LCORL: variants seen among roughly 807,000 people sequenced by gnomAD.
LCORL encodes ligand dependent nuclear receptor corepressor like.
LCORL carries 41 observed loss-of-function variants against 141.8 expected under a neutral mutation model. The observed-to-expected ratio is 0.29, with a 90% confidence interval of 0.23 to 0.38. LCORL has a LOEUF of 0.38. Among genes scored for constraint, LCORL ranks in the 10% least tolerant of loss-of-function variants. The pLI is 1.00. For missense variants in LCORL, 1,759 were observed against 2,035.0 expected, an observed-to-expected ratio of 0.86 and a Z score of 2.61; for synonymous variants, 618 against 694.1, an observed-to-expected ratio of 0.89 and a Z score of 1.72.
intron 1 of LCORL, among the ~76,000 whole-genome samples, chr4:18,004,576 G>C (rs538011969): frequency 3.3e-5 from 5 of 152,184 alleles, no homozygotes; most frequent in African/African-American, 1.2e-4. Context: ...GGGAATTGTG[G>C]GAATTACAAT....
At chr4:18,013,995 A>T (rs1364444780) in intron 1 of LCORL, among the ~76,000 whole-genome samples, 1 of 151,968 alleles carries the variant, frequency 6.6e-6, no homozygotes, top group Non-Finnish European at 1.5e-5. Flanking sequence ...TTTATTAGAG[A>T]TGGGGTTGTG....
chr4:17,903,488 A>G lies in LCORL; in HGVS notation c.682+5606T>C, dbSNP rs540324397. On this transcript the variant is annotated intron_variant, in intron 5 of 7. Coordinates refer to ENST00000635767, the Ensembl canonical transcript of LCORL. ...GTTTTTACTCTGGCCCTAGATTAAA[A>G]CTGATATTTAAAAAATATATACTTG... Among the ~76,000 whole-genome samples the G allele has an allele frequency of 1.8e-3, 274 of 152,096 alleles. 1 individual carries two copies. Among genetic ancestry groups the G allele is most frequent in the African/African-American group, 6.4e-3 (267 of 41,532 alleles).
At chr4:17,989,828 C>T (rs143986955) in intron 1 of LCORL, among the ~76,000 whole-genome samples, 2 of 152,266 alleles carry the variant, frequency 1.3e-5, no homozygotes, top group African/African-American at 4.8e-5. Flanking sequence ...TATGATGTGG[C>T]TGGTTGACCA....
intron 5 of LCORL, among the ~76,000 whole-genome samples, chr4:17,899,875 T>C (rs1395826627): frequency 6.6e-6 from 1 of 152,158 alleles, no homozygotes; most frequent in Admixed American, 6.5e-5. Context: ...AGACTGCTTG[T>C]ATAAGGTGTA....
At chr4:17,859,512 G>T (rs939664002) in intron 7 of LCORL, among the ~76,000 whole-genome samples, 3 of 152,180 alleles carry the variant, frequency 2.0e-5, no homozygotes, top group Admixed American at 6.5e-5. Flanking sequence ...AAATGCTAAA[G>T]GAGTTCATTC....
At chr4:17,869,225 T>C (rs1259312531) in intron 7 of LCORL, among the ~76,000 whole-genome samples, 1 of 152,106 alleles carries the variant, frequency 6.6e-6, no homozygotes, top group Non-Finnish European at 1.5e-5. Context: ...CATTAGCATG[T>C]AAATATATAT....
At chr4:17,877,404 T>C in exon 7 of LCORL, 3 of 1,230,448 alleles carry the variant, frequency 2.4e-6, no homozygotes, top group Non-Finnish European at 3.0e-6. Flanking sequence ...CATTAAATCT[T>C]GAAAAATTAC....
At chr4:17,933,717 A>T (rs896293182) in intron 4 of LCORL, among the ~76,000 whole-genome samples, 2 of 151,870 alleles carry the variant, frequency 1.3e-5, no homozygotes, top group Admixed American at 1.3e-4. Flanking sequence ...TACTCTATTC[A>T]TTTTGAATTA....
intron 1 of LCORL, among the ~76,000 whole-genome samples, chr4:18,006,791 G>A (rs1336724024): frequency 2.0e-5 from 3 of 152,126 alleles, no homozygotes; most frequent in Non-Finnish European, 4.4e-5. Flanking sequence ...GGTGGGAATT[G>A]TGGGAGTTAC....
At chr4:17,916,151 G>A (rs1209903732) in intron 4 of LCORL, among the ~76,000 whole-genome samples, 2 of 152,112 alleles carry the variant, frequency 1.3e-5, no homozygotes, top group Non-Finnish European at 2.9e-5. Context: ...CCATGATTGC[G>A]TCCTTGACCC....
intron 4 of LCORL, among the ~76,000 whole-genome samples, chr4:17,938,058 T>C (rs997764581): frequency 8.2e-4 from 121 of 147,808 alleles, no homozygotes; most frequent in African/African-American, 2.9e-3. Flanking sequence ...CAGGCTGGAG[T>C]GCAGTGGCGC....
chr4:17,968,178 G>T (rs1298413354), intron 2 of LCORL, among the ~76,000 whole-genome samples: 1 of 152,022 alleles, frequency 6.6e-6, no homozygotes, highest in East Asian at 1.9e-4. Flanking sequence ...ACTTTTTATT[G>T]ACATTACTTT....
chr4:17,855,265 G>A (rs996189720), intron 7 of LCORL, among the ~76,000 whole-genome samples: 2 of 151,870 alleles, frequency 1.3e-5, no homozygotes, highest in Admixed American at 6.6e-5. Flanking sequence ...CTATAATAAG[G>A]TATTCAAATA....
intron 6 of LCORL, chr4:17,883,654 G>T: frequency 6.9e-7 from 1 of 1,443,102 alleles, no homozygotes. Flanking sequence ...ACACACCTGT[G>T]CACATACACA....
chr4:17,859,597 A>G (rs1269406160), intron 7 of LCORL, among the ~76,000 whole-genome samples: 1 of 152,162 alleles, frequency 6.6e-6, no homozygotes, highest in Non-Finnish European at 1.5e-5. Context: ...TGATAAATTC[A>G]TGGGGAAAAT....
intron 1 of LCORL, among the ~76,000 whole-genome samples, chr4:17,994,067 G>A (rs1048295810): frequency 3.3e-5 from 5 of 152,042 alleles, no homozygotes; most frequent in African/African-American, 1.2e-4. Context: ...TTGGATATGT[G>A]GGGCATAAAT....
At chr4:17,889,213 T>A (rs1169645178) in intron 5 of LCORL, among the ~76,000 whole-genome samples, 1 of 152,114 alleles carries the variant, frequency 6.6e-6, no homozygotes, top group Non-Finnish European at 1.5e-5. Context: ...CTCTACTCCA[T>A]CTTTCAGAAA....
exon 8 of LCORL, chr4:17,841,974 A>G (rs1394137944): frequency 5.1e-6 from 1 of 195,716 alleles, no homozygotes; most frequent in Non-Finnish European, 1.1e-5. Flanking sequence ...ACTTTGTGCT[A>G]TAGCAATAAT....
chr4:17,918,188 G>A (rs925098), intron 4 of LCORL, among the ~76,000 whole-genome samples: 106,386 of 152,112 alleles, frequency 0.7, 37,521 homozygotes, highest in South Asian at 0.85. Context: ...TAGAAAAGTC[G>A]CTAAACAAAG....
Sources: allele counts gnomAD v4.1 joint callset (sites outside exome capture counted in the v4.1 genomes callset), GRCh38; gene constraint gnomAD v4.1.1; transcripts MANE v1.5; gene names NCBI Gene and HGNC (gene_info 2026-07-23, HGNC 2026-07-21).